Variants in PAK3 observed in about 807,000 individuals in gnomAD.
The protein encoded by PAK3 is p21 (RAC1) activated kinase 3.
In PAK3, 4 loss-of-function variants were observed where a neutral mutation model predicts 41.0. The observed-to-expected ratio is 0.10, with a 90% CI of 0.05 to 0.22. The LOEUF (loss-of-function observed/expected upper bound fraction) is 0.22. PAK3 is among the 10% of genes least tolerant of loss of function. PAK3 has a pLI of 1.00. For missense variants in PAK3, 205 were observed against 409.9 expected (o/e 0.50, Z 4.32); for synonymous variants, 146 against 139.6 (o/e 1.05, Z -0.32).
At chrX:111,094,638 C>T (rs2092955068), upstream of PAK3, among the ~76,000 whole-genome samples, 2 of 102,910 alleles carry the variant, frequency 1.9e-5, no homozygotes, top group Admixed American at 2.1e-4. Flanking sequence ...GCATCCCATT[C>T]TTCAACTGCC....
intron 1 of PAK3, among the ~76,000 whole-genome samples, chrX:111,007,989 G>T (rs928841047): frequency 2.3e-4 from 26 of 111,900 alleles, no homozygotes; most frequent in South Asian, 7.5e-4. Flanking sequence ...TGAGCTTTGG[G>T]TTCCTCATCT....
At position 111,196,554 on chromosome X, in the gene PAK3, C is replaced by T; in HGVS notation, c.1321C>T (p.Pro441Ser). Residue 441 changes from proline (P) to serine (S), a missense_variant, in exon 16 of 18, where the codon CCG (proline) becomes TCG (serine). This residue lies in a region of PAK3 where 42 missense variants were observed against 152.7 expected (regional missense o/e 0.28). Coordinates refer to ENST00000372007, the MANE Select transcript of PAK3 (RefSeq NM_002578.5). ...PEVVTRKAYG[P>S]KVDIWSLGIM... is the part of the protein sequence containing the mutation. ...GGTGGTGACTCGAAAAGCTTATGGT[C>T]CGAAAGTTGATATCTGGTCTCTTGG... 1 of 1,203,724 alleles carries T rather than the reference C, an allele frequency of 8.3e-7. No homozygotes were observed. The highest frequency in any genetic ancestry group is 1.8e-5 in the South Asian group (1 of 56,757).
At chrX:111,160,728 G>A (rs1208388620) in intron 8 of PAK3, among the ~76,000 whole-genome samples, 1 of 97,725 alleles carries the variant, frequency 1.0e-5, no homozygotes, top group East Asian at 3.2e-4. Flanking sequence ...TTGGTTTTTT[G>A]TCCTTGTGAT....
At chrX:111,112,007 A>C (rs1022640262) in intron 4 of PAK3, among the ~76,000 whole-genome samples, 3 of 111,256 alleles carry the variant, frequency 2.7e-5, no homozygotes, top group Non-Finnish European at 3.8e-5. Context: ...ACTTTTCAAA[A>C]TGATTTCCAT....
chrX:111,188,871 G>A (rs985933691), intron 11 of PAK3, among the ~76,000 whole-genome samples: 2 of 112,034 alleles, frequency 1.8e-5, no homozygotes, highest in Non-Finnish European at 3.8e-5. Context: ...AAGGAATTGT[G>A]CATGCGGCCT....
chrX:111,130,239 G>A (rs1490137927), intron 5 of PAK3, among the ~76,000 whole-genome samples: 1 of 111,533 alleles, frequency 9.0e-6, no homozygotes, highest in Non-Finnish European at 1.9e-5. Context: ...GTGACTTGAA[G>A]GGCTCACATG....
chrX:111,175,703 T>G (rs892245620), intron 11 of PAK3, among the ~76,000 whole-genome samples: 8 of 111,757 alleles, frequency 7.2e-5, no homozygotes, highest in African/African-American at 2.6e-4. Context: ...TTCAGATACC[T>G]CCCAGATACT....
chrX:111,189,027 G>T (rs2094537932), intron 11 of PAK3, among the ~76,000 whole-genome samples: 1 of 111,513 alleles, frequency 9.0e-6, no homozygotes, highest in Non-Finnish European at 1.9e-5. Context: ...TCACCCAGAA[G>T]TCAGCATAGT....
At chrX:111,176,137 G>A (rs912564587) in intron 11 of PAK3, among the ~76,000 whole-genome samples, 21 of 110,368 alleles carry the variant, frequency 1.9e-4, no homozygotes, top group African/African-American at 6.9e-4. Context: ...TCAACAGCTG[G>A]GTTCACTTTG....
At chrX:111,167,963 T>C (rs2094283549) in intron 10 of PAK3, among the ~76,000 whole-genome samples, 1 of 111,082 alleles carries the variant, frequency 9.0e-6, no homozygotes, top group South Asian at 3.9e-4. Context: ...GTCTTCAACC[T>C]CCTTCCTCTG....
chrX:111,153,848 G>A (rs1196340048), intron 8 of PAK3, among the ~76,000 whole-genome samples: 1 of 111,827 alleles, frequency 8.9e-6, no homozygotes, highest in Non-Finnish European at 1.9e-5. Flanking sequence ...ATACACCCAC[G>A]TTCATTGCAG....
intron 8 of PAK3, among the ~76,000 whole-genome samples, chrX:111,154,047 G>A (rs1260442192): frequency 1.3e-4 from 15 of 111,850 alleles, no homozygotes; most frequent in Non-Finnish European, 1.9e-5. Context: ...GTCTCAAAAG[G>A]GTATATACTG....
At chrX:111,063,758 G>C (rs756753072) in intron 1 of PAK3, among the ~76,000 whole-genome samples, 1 of 108,738 alleles carries the variant, frequency 9.2e-6, no homozygotes, top group Admixed American at 9.8e-5. Flanking sequence ...CCCTATAGGA[G>C]AAGGTTACAG....
At chrX:111,114,932 C>G (rs1166154457) in intron 4 of PAK3, among the ~76,000 whole-genome samples, 2 of 112,105 alleles carry the variant, frequency 1.8e-5, no homozygotes, top group Non-Finnish European at 3.8e-5. Context: ...CTCCTTCCAC[C>G]AAGCCCTGCT....
rs774306524 is a variant in PAK3, at chrX:111,047,664, G to C, written c.-27-75413G>C. 1.1e-4 allele frequency among the ~76,000 whole-genome samples: 12 copies of C among 111,203 alleles called. No individual in the cohort carries two copies. In the East Asian group the frequency reaches 3.4e-3, roughly 32 times the overall value. On this transcript the variant is annotated intron_variant, in intron 1 of 14. Transcript: ENST00000425146. ...GTCTTCCTGAAGGATGACAAAGCTG[G>C]AAAGTTTGGCTGGAACTGGGCTTAA...
chrX:111,040,447 T>A (rs1000462903), intron 1 of PAK3, among the ~76,000 whole-genome samples: 2 of 112,084 alleles, frequency 1.8e-5, no homozygotes, highest in African/African-American at 6.5e-5. Context: ...ACATTTTATA[T>A]ACTTTTCAAT....
chrX:111,058,253 T>A (rs1049111356), intron 1 of PAK3, among the ~76,000 whole-genome samples: 1 of 111,899 alleles, frequency 8.9e-6, no homozygotes, highest in East Asian at 2.8e-4. Flanking sequence ...TGAAGAACAG[T>A]TGAACTGTTT....
intron 1 of PAK3, among the ~76,000 whole-genome samples, chrX:110,985,760 T>A (rs1422744006): frequency 8.9e-6 from 1 of 112,385 alleles, no homozygotes; most frequent in African/African-American, 3.2e-5. Flanking sequence ...CCTTATAAGG[T>A]ATTTCCTAGT....
At chrX:110,986,531 A>G (rs1314686678) in intron 1 of PAK3, among the ~76,000 whole-genome samples, 1 of 112,246 alleles carries the variant, frequency 8.9e-6, no homozygotes, top group Admixed American at 9.5e-5. Flanking sequence ...TTAACAAAAG[A>G]CAACCATTGA....
Sources: allele counts gnomAD v4.1 joint callset (sites outside exome capture counted in the v4.1 genomes callset), GRCh38; gene constraint gnomAD v4.1.1; regional missense constraint gnomAD v4.1.1; transcripts MANE v1.5; gene names NCBI Gene and HGNC (gene_info 2026-07-23, HGNC 2026-07-21).